The following TRMT2B variants were observed in gnomAD, a reference collection of about 807,000 sequenced individuals.
TRMT2B encodes the protein tRNA methyltransferase 2B.
In TRMT2B, 34 loss-of-function variants were observed where a neutral mutation model predicts 39.7. That is an observed-to-expected ratio of 0.86 (90% CI 0.65 to 1.14). The LOEUF is 1.14. TRMT2B is among the 50% of genes most tolerant of loss of function. The pLI is 0.00. For synonymous variants in TRMT2B, 132 were observed against 137.3 expected (o/e 0.96, Z 0.27); for missense variants, 318 against 377.2 (o/e 0.84, Z 1.30).
chrX:101,037,138 A>T, intron 5 of TRMT2B, 65 bp from the exon 6 acceptor site: 1 of 867,149 alleles, frequency 1.2e-6, no homozygotes. Flanking sequence ...GATAACAATA[A>T]AGGGAAAGCA....
At chrX:101,010,927 A>G (rs1453662408) in intron 13 of TRMT2B, among the ~76,000 whole-genome samples, 1 of 112,042 alleles carries the variant, frequency 8.9e-6, no homozygotes, top group Non-Finnish European at 1.9e-5. Flanking sequence ...ACTGCTTAAT[A>G]TTCATCTCTG....
chrX:101,050,298 T>C (rs753158542), intron 2 of TRMT2B, among the ~76,000 whole-genome samples: 1 of 112,388 alleles, frequency 8.9e-6, no homozygotes, highest in Non-Finnish European at 1.9e-5. Flanking sequence ...TTTAGTAACT[T>C]CTGTGGTGAA....
chrX:101,051,489 A>G lies in TRMT2B; in HGVS notation c.-262T>C. ...CCTTCCATTCCCTTCTTCTTTAGGCAAGTTCTGCCCACTGTGTCTGTAGGA... is the reference window on the plus strand; with the variant it reads ...CCTTCCATTCCCTTCTTCTTTAGGCGAGTTCTGCCCACTGTGTCTGTAGGA... On this transcript the variant is annotated 5_prime_UTR_variant, in exon 2 of 14. Transcript: ENST00000372936. 1.3e-6 allele frequency: 1 copy of G among 754,574 alleles called. No homozygotes were observed. The highest frequency in any genetic ancestry group is 1.6e-6 in the Non-Finnish European group (1 of 639,425). 62.2% of individuals were successfully genotyped at this position (754,574 alleles called of 1,213,427 possible).
the TRMT2B span, among the ~76,000 whole-genome samples, chrX:100,979,501 C>T: frequency 8.9e-6 from 1 of 111,820 alleles, no homozygotes; most frequent in South Asian, 3.8e-4. Context: ...ATTCTGAATT[C>T]CTTCTTTGTG....
chrX:100,977,340 C>G, the TRMT2B span, among the ~76,000 whole-genome samples: 8 of 106,708 alleles, frequency 7.5e-5, no homozygotes, highest in Non-Finnish European at 1.3e-4. Flanking sequence ...ATCCTTTCCA[C>G]CCTGTAGTAA....
At chrX:100,982,185 C>T in the TRMT2B span, among the ~76,000 whole-genome samples, 2 of 111,224 alleles carry the variant, frequency 1.8e-5, no homozygotes, top group African/African-American at 6.5e-5. Context: ...GGACTCAAAC[C>T]TTGAGAGAAC....
At chrX:100,990,640 T>C in the TRMT2B span, 1 of 1,086,352 alleles carries the variant, frequency 9.2e-7, no homozygotes, top group Middle Eastern at 2.4e-4. Context: ...ACCACCTTGG[T>C]AAAAAAGAAC....
downstream of TRMT2B, among the ~76,000 whole-genome samples, chrX:101,008,025 T>C (rs1161375783): frequency 1.8e-5 from 2 of 111,803 alleles, no homozygotes; most frequent in Admixed American, 9.6e-5. Flanking sequence ...TCCCAGACTC[T>C]GGCTTGGGTG....
chrX:101,051,602 G>T lies in TRMT2B; in HGVS notation c.-375C>A, dbSNP rs2089099885. ...CGGGAAGGACAGAAAGTAAGGGAGT[G>T]GGAGGAGTTAGGGCACAGGCCCACG... On this transcript the variant is annotated 5_prime_UTR_variant, in exon 2 of 14. Transcript: ENST00000372936. The T allele has an allele frequency of 2.6e-6, 2 of 754,841 alleles. No homozygotes were observed. Among genetic ancestry groups the T allele is most frequent in the Non-Finnish European group, 3.1e-6 (2 of 639,510 alleles). 62.2% of individuals were successfully genotyped at this position (754,841 alleles called of 1,213,427 possible).
chrX:101,007,932 G>A (rs2086129311), downstream of TRMT2B, among the ~76,000 whole-genome samples: 2 of 111,139 alleles, frequency 1.8e-5, no homozygotes, highest in South Asian at 7.7e-4. Context: ...AACCTGGAGA[G>A]AGATGATGGA....
At chrX:100,986,965 T>G in the TRMT2B span, 1 of 778,994 alleles carries the variant, frequency 1.3e-6, no homozygotes, top group Non-Finnish European at 1.8e-6. Context: ...CTTGGCCCAT[T>G]CTATAGTCAG....
chrX:100,974,049 G>A, the TRMT2B span: 4 of 814,946 alleles, frequency 4.9e-6, no homozygotes, highest in Non-Finnish European at 7.2e-6. Context: ...CAAACAATAA[G>A]GAAGAGTATA....
At chrX:101,001,907 C>A in the TRMT2B span, among the ~76,000 whole-genome samples, 2 of 108,870 alleles carry the variant, frequency 1.8e-5, no homozygotes, top group South Asian at 8.1e-4. Context: ...TTGGACAGAA[C>A]CAGATTCAAG....
intron 7 of TRMT2B, among the ~76,000 whole-genome samples, chrX:101,035,336 C>T (rs913906876): frequency 1.1e-4 from 12 of 112,000 alleles, no homozygotes; most frequent in African/African-American, 3.9e-4. Flanking sequence ...GCTATAGTAC[C>T]CTCATCAGCA....
At chrX:100,998,375 C>T in the TRMT2B span, among the ~76,000 whole-genome samples, 2 of 106,708 alleles carry the variant, frequency 1.9e-5, no homozygotes, top group East Asian at 5.9e-4. Flanking sequence ...AACAAATAAT[C>T]GGATGATTAA....
intron 12 of TRMT2B, 39 bp downstream of exon 12, chrX:101,019,245 G>C (rs750789459): frequency 8.3e-7 from 1 of 1,208,692 alleles, no homozygotes; most frequent in East Asian, 3.0e-5. Flanking sequence ...AAAGTTGATG[G>C]ACAATACTGG....
chrX:100,992,494 T>G, the TRMT2B span, among the ~76,000 whole-genome samples: 3 of 110,709 alleles, frequency 2.7e-5, no homozygotes, highest in Non-Finnish European at 5.7e-5. Context: ...GGTCGGAGAA[T>G]CGCTTGAACC....
chrX:101,025,959 A>G (rs1422589132), intron 7 of TRMT2B, among the ~76,000 whole-genome samples: 1 of 107,105 alleles, frequency 9.3e-6, no homozygotes, highest in Non-Finnish European at 1.9e-5. Context: ...AAAGAGAAAG[A>G]AAAGAAAGAA....
chrX:101,006,462 G>A (rs2086103137), downstream of TRMT2B, among the ~76,000 whole-genome samples: 1 of 109,906 alleles, frequency 9.1e-6, no homozygotes, highest in Non-Finnish European at 1.9e-5. Flanking sequence ...AGATGTATAA[G>A]GTATACATGT....
Sources: gnomAD v4.1 joint callset for allele counts (sites outside exome capture counted in the v4.1 genomes callset) on GRCh38, gnomAD v4.1.1 for gene constraint, MANE v1.5 for transcripts, NCBI Gene and HGNC (gene_info 2026-07-23, HGNC 2026-07-21) for gene names.